The following RIPOR2 variants were observed in gnomAD, a reference collection of about 807,000 sequenced individuals.
RIPOR2 encodes RHO family interacting cell polarization regulator 2, also known as rho family-interacting cell polarization regulator 2.
In RIPOR2, 39 loss-of-function variants were observed where a neutral mutation model predicts 114.5. That is an observed-to-expected ratio of 0.34 (90% confidence interval 0.26 to 0.44). The LOEUF is 0.44. Ranked by LOEUF, RIPOR2 falls within the 20% of genes least tolerant of loss-of-function variation. The pLI is 1.00. For synonymous variants in RIPOR2, 445 were observed against 484.4 expected (o/e 0.92, Z 1.07); for missense variants, 1,007 against 1,255.1 (o/e 0.80, Z 2.99).
intron 1 of RIPOR2, among the ~76,000 whole-genome samples, chr6:25,013,575 AT>A (rs1164840444): frequency 3.3e-5 from 5 of 152,010 alleles, no homozygotes; most frequent in Admixed American, 2.6e-4. Flanking sequence ...GAACACCTGA[AT>A]TTTTTTTCAT....
chr6:24,860,072 T>C (rs1456752066), intron 8 of RIPOR2, among the ~76,000 whole-genome samples: 2 of 152,230 alleles, frequency 1.3e-5, no homozygotes, highest in African/African-American at 4.8e-5. Context: ...ACTTCGTTTT[T>C]GTTCTGAAGA....
intron 17 of RIPOR2, 86 bp from the exon 18 acceptor site, chr6:24,828,381 TATTTTA>T: frequency 8.3e-7 from 1 of 1,204,446 alleles, no homozygotes; most frequent in East Asian, 3.0e-5. Flanking sequence ...TTTTTATTTT[TATTTTA>T]GAGACAGGGT....
intron 1 of RIPOR2, among the ~76,000 whole-genome samples, chr6:24,906,830 G>T (rs1023254477): frequency 6.6e-6 from 1 of 152,014 alleles, no homozygotes; most frequent in South Asian, 2.1e-4. Flanking sequence ...ATAGAGATGG[G>T]GTTTCACCAT....
At chr6:25,027,455 G>A (rs1372194162) in intron 1 of RIPOR2, among the ~76,000 whole-genome samples, 1 of 152,210 alleles carries the variant, frequency 6.6e-6, no homozygotes, top group Non-Finnish European at 1.5e-5. Context: ...ACATAGACAT[G>A]CTGTGCAGCG....
intron 1 of RIPOR2, among the ~76,000 whole-genome samples, chr6:24,958,816 C>T (rs541267466): frequency 2.3e-4 from 35 of 152,164 alleles, no homozygotes; most frequent in Non-Finnish European, 1.9e-4. Context: ...GGTCTGGAAT[C>T]ACGGTGTGAG....
At chr6:24,901,216 C>G (rs900167467) in intron 1 of RIPOR2, among the ~76,000 whole-genome samples, 1 of 152,178 alleles carries the variant, frequency 6.6e-6, no homozygotes, top group Non-Finnish European at 1.5e-5. Flanking sequence ...ACTATGCATC[C>G]TTTCAATAGG....
At chr6:24,943,508 C>T (rs779863593) in intron 1 of RIPOR2, among the ~76,000 whole-genome samples, 1 of 148,704 alleles carries the variant, frequency 6.7e-6, no homozygotes, top group Non-Finnish European at 1.5e-5. Context: ...AATAATAAAG[C>T]CTTTCTTCCA....
At chr6:25,005,738 T>TATATATATATACATACATAC (rs34572978) in intron 1 of RIPOR2, among the ~76,000 whole-genome samples, 7 of 70,698 alleles carry the variant, frequency 9.9e-5, no homozygotes, top group African/African-American at 2.1e-4. Context: ...TATATATATA[T>TATATATATATACATACATAC]ATACATTTAC....
intron 1 of RIPOR2, among the ~76,000 whole-genome samples, chr6:24,887,768 A>G (rs1268037120): frequency 6.6e-6 from 1 of 152,194 alleles, no homozygotes; most frequent in Non-Finnish European, 1.5e-5. Flanking sequence ...GAACTTCTAG[A>G]TAATTGACAC....
At chr6:24,840,876 C>G in intron 13 of RIPOR2, 2 of 1,117,468 alleles carry the variant, frequency 1.8e-6, no homozygotes, top group Non-Finnish European at 2.6e-6. Flanking sequence ...AACACACTCA[C>G]TAGTGATGTT....
In RIPOR2 at chr6:24,812,319, C is replaced by A. The variant is rs1220578190; in HGVS notation, c.2953-2512G>T. ...CAACAGTGTAAAAGTGTTCCTATTT[C>A]TCCGCATCCTCTCCAGCACCTGTTT... On this transcript the variant is annotated intron_variant, in intron 20 of 21. Coordinates refer to ENST00000643898, the MANE Select transcript of RIPOR2 (RefSeq NM_001286445.3). 4.0e-5 allele frequency among the ~76,000 whole-genome samples: 2 copies of A among 49,980 alleles called. 1 individual carries two copies. The highest frequency in any genetic ancestry group is 1.2e-4 in the Non-Finnish European group (2 of 16,472). 32.8% of individuals were successfully genotyped at this position (49,980 alleles called of 152,430 possible).
At position 24,842,894 on chromosome 6, in the gene RIPOR2, G is replaced by T. The variant is rs184778120; in HGVS notation, c.1825C>A (p.Gln609Lys). 9.6e-6 allele frequency: 14 copies of T among 1,457,138 alleles called. No individual in the cohort carries two copies. The East Asian group carries it at 3.1e-4, about 32-fold the overall frequency. The allele number at this position is 1,457,138 out of a possible 1,614,324, so 90.3% of individuals were successfully genotyped here. ...ATATCATCCAAATTCATGACTTCTT[G>T]GTTCAGATCCTGAAACTCTTTATAC... Reference protein sequence around the residue: ...EQYKEFQDLNQEVMNLDDILK... With the variant: ...EQYKEFQDLNKEVMNLDDILK... Residue 609 changes from glutamine to lysine, a missense_variant, in exon 13 of 22, where the codon CAA (glutamine) becomes AAA (lysine). Transcript: ENST00000643898.
At chr6:24,924,340 C>T (rs905810358) in intron 1 of RIPOR2, among the ~76,000 whole-genome samples, 1 of 152,154 alleles carries the variant, frequency 6.6e-6, no homozygotes, top group African/African-American at 2.4e-5. Context: ...GGTCTAAGGG[C>T]TTCAGATCTT....
At chr6:24,850,970 G>A (rs1258040386) in intron 9 of RIPOR2, among the ~76,000 whole-genome samples, 6 of 150,510 alleles carry the variant, frequency 4.0e-5, no homozygotes, top group African/African-American at 7.4e-5. Context: ...ATCTTGGCTC[G>A]CTGCAACCTC....
intron 1 of RIPOR2, among the ~76,000 whole-genome samples, chr6:24,942,765 T>G (rs1007956381): frequency 1.3e-5 from 2 of 152,178 alleles, no homozygotes; most frequent in African/African-American, 4.8e-5. Context: ...GGGTTGTTTG[T>G]TTTTTTCTTG....
At chr6:24,931,787 G>T (rs1771408358) in intron 1 of RIPOR2, 1 of 152,188 alleles carries the variant, frequency 6.6e-6, no homozygotes, top group Non-Finnish European at 1.5e-5. Context: ...AAAGATTACT[G>T]AGCAGTGCTG....
chr6:24,896,963 A>G (rs985840939), intron 1 of RIPOR2, among the ~76,000 whole-genome samples: 4 of 152,194 alleles, frequency 2.6e-5, no homozygotes, highest in African/African-American at 7.2e-5. Flanking sequence ...ATCCCAGGGT[A>G]TTTTACCACC....
chr6:24,889,757 T>C (rs1315627043), intron 1 of RIPOR2, among the ~76,000 whole-genome samples: 1 of 152,182 alleles, frequency 6.6e-6, no homozygotes, highest in Non-Finnish European at 1.5e-5. Context: ...TATTATGTAT[T>C]AGTAGATTGA....
chr6:24,879,618 A>G (rs1220551671), intron 1 of RIPOR2, among the ~76,000 whole-genome samples: 1 of 152,172 alleles, frequency 6.6e-6, no homozygotes, highest in Non-Finnish European at 1.5e-5. Flanking sequence ...TAAAAGGAGG[A>G]GGTTGGGGCA....
Sources: allele counts gnomAD v4.1 joint callset (sites outside exome capture counted in the v4.1 genomes callset), GRCh38; gene constraint gnomAD v4.1.1; transcripts MANE v1.5; gene names NCBI Gene and HGNC (gene_info 2026-07-23, HGNC 2026-07-21).